Variants in ANKRD30B observed in about 807,000 individuals in gnomAD.
ANKRD30B encodes the protein ankyrin repeat domain-containing protein 30B.
In ANKRD30B, 144 loss-of-function variants were observed where a neutral mutation model predicts 202.2. That is an observed-to-expected ratio of 0.71 (90% CI 0.62 to 0.82). The LOEUF (loss-of-function observed/expected upper bound fraction) is 0.82. Ranked by LOEUF, ANKRD30B falls within the 40% of genes least tolerant of loss-of-function variation. ANKRD30B has a pLI of 0.00. For missense variants in ANKRD30B, 1,487 were observed against 1,669.1 expected (o/e 0.89, Z 1.90); for synonymous variants, 508 against 561.3 (o/e 0.91, Z 1.34).
the ANKRD30B span, among the ~76,000 whole-genome samples, chr18:14,860,096 A>G: frequency 7.1e-4 from 79 of 111,672 alleles, no homozygotes; most frequent in Non-Finnish European, 1.1e-3. Flanking sequence ...GCCAGGCAGA[A>G]GCACTCCTCA....
At chr18:14,749,884 TTA>T (rs1474347476) in intron 1 of ANKRD30B, among the ~76,000 whole-genome samples, 2 of 151,932 alleles carry the variant, frequency 1.3e-5, no homozygotes, top group Non-Finnish European at 2.9e-5. Flanking sequence ...AGGAAAAGAA[TTA>T]GTTTCATAAG....
the ANKRD30B span, among the ~76,000 whole-genome samples, chr18:14,927,292 C>G: frequency 6.6e-6 from 1 of 151,978 alleles, no homozygotes; most frequent in Non-Finnish European, 1.5e-5. Flanking sequence ...TTTTAAACTC[C>G]GAACTCAGGG....
rs548914412 is a variant in ANKRD30B at position 14,852,061 on chromosome 18, C to T, written c.4117C>T (p.Leu1373=). 20 of 1,608,842 alleles carry T rather than the reference C, an allele frequency of 1.2e-5. No homozygotes were observed. In the African/African-American group the frequency reaches 2.7e-4, roughly 22 times the overall value. ...TAATCTCAATTATGCAGGAGATGATCTAAGAGAAAATGCATTGGTTTCAGA... is the reference window on the plus strand; with the variant it reads ...TAATCTCAATTATGCAGGAGATGATTTAAGAGAAAATGCATTGGTTTCAGA... ...KINLNYAGDD[L]RENALVSEHA... Residue 1373 remains leucine, a synonymous_variant, in exon 42 of 44, where the codon CTA becomes TTA. Coordinates refer to ENST00000690538, the MANE Select transcript of ANKRD30B (RefSeq NM_001367607.2).
chr18:14,810,629 AGTGTGT>A (rs376271746), intron 28 of ANKRD30B, among the ~76,000 whole-genome samples: 1 of 149,654 alleles, frequency 6.7e-6, no homozygotes, highest in Admixed American at 6.6e-5. Flanking sequence ...TAGGTGACTG[AGTGTGT>A]GTGTGTGTGT....
intron 5 of ANKRD30B, among the ~76,000 whole-genome samples, chr18:14,758,196 A>C (rs1914679411): frequency 1.3e-5 from 2 of 152,236 alleles, no homozygotes; most frequent in East Asian, 1.9e-4. Flanking sequence ...CAGTGTCACA[A>C]TTTTGATTTT....
At chr18:14,905,506 TAA>T in the ANKRD30B span, 1 of 152,346 alleles carries the variant, frequency 6.6e-6, no homozygotes, top group South Asian at 2.1e-4. Flanking sequence ...ATGCTTGAGT[TAA>T]GAAAAGGAAG....
chr18:14,844,769 C>T lies in ANKRD30B; in HGVS notation c.3181+1673C>T, dbSNP rs867196290. ...TGTTGTTTCCTGACTTTTTAATGAT[C>T]GCCATTCTAACTGGTGTGAGATGGT... is the stretch of plus-strand genomic sequence containing the variant. On this transcript the variant is annotated intron_variant, in intron 39 of 43. Coordinates refer to ENST00000690538, the MANE Select transcript of ANKRD30B (RefSeq NM_001367607.2). Among the ~76,000 whole-genome samples, 1,090 of 151,124 alleles carry T rather than the reference C, an allele frequency of 7.2e-3. 12 individuals are homozygous for T. Among genetic ancestry groups the T allele is most frequent in the Middle Eastern group, 0.014 (4 of 294 alleles).
At chr18:14,820,497 G>A (rs1262279946) in intron 30 of ANKRD30B, among the ~76,000 whole-genome samples, 1 of 152,092 alleles carries the variant, frequency 6.6e-6, no homozygotes, top group Non-Finnish European at 1.5e-5. Flanking sequence ...TTGGCTGTGG[G>A]TTTGTCATAG....
intron 7 of ANKRD30B, among the ~76,000 whole-genome samples, chr18:14,768,073 A>C (rs1916530824): frequency 6.6e-6 from 1 of 152,198 alleles, no homozygotes; most frequent in Admixed American, 6.5e-5. Flanking sequence ...AGAAAGAAGA[A>C]GACATGATGT....
rs574671846 is a variant in ANKRD30B at position 14,824,060 on chromosome 18, T to G, written c.2743+1383T>G. Among the ~76,000 whole-genome samples, 211 of 152,110 alleles carry G rather than the reference T, an allele frequency of 1.4e-3. 8 individuals are homozygous for G. The highest frequency in any genetic ancestry group is 4.6e-4 in the Non-Finnish European group (31 of 68,038). On this transcript the variant is annotated intron_variant, in intron 32 of 43. Transcript: ENST00000690538. Reference sequence around the variant, plus strand: ...TATGTCTAGAATTTGTTTTCATGTCTTAAATTTTCAATAAATAGTTGTACA... The same window carrying G: ...TATGTCTAGAATTTGTTTTCATGTCGTAAATTTTCAATAAATAGTTGTACA...
intron 37 of ANKRD30B, among the ~76,000 whole-genome samples, chr18:14,841,264 GTT>G (rs1373779631): frequency 6.6e-6 from 1 of 152,158 alleles, no homozygotes; most frequent in Non-Finnish European, 1.5e-5. Context: ...TAGACGAGAA[GTT>G]TTCACACTTT....
chr18:14,800,028 G>A (rs1182444808), intron 22 of ANKRD30B, among the ~76,000 whole-genome samples: 8 of 151,730 alleles, frequency 5.3e-5, no homozygotes, highest in Non-Finnish European at 7.4e-5. Context: ...GTCAGGAGTC[G>A]CAGACGAGCC....
At position 14,799,092 on chromosome 18, in the gene ANKRD30B, T is replaced by A. The variant is rs769188012; in HGVS notation, c.2030-9T>A. On this transcript the variant is annotated splice_polypyrimidine_tract_variant and intron_variant, in intron 20 of 43. Coordinates refer to ENST00000690538, the MANE Select transcript of ANKRD30B (RefSeq NM_001367607.2). ...ATATAATCAATTATATATGTCCCTT[T>A]TCTTTTAGAGTCTCCTGATAATGAT... The A allele has an allele frequency of 3.8e-6, 6 of 1,570,290 alleles. No homozygotes were observed. In the Admixed American group the frequency reaches 8.4e-5, roughly 22 times the overall value.
At chr18:14,893,784 A>C in the ANKRD30B span, among the ~76,000 whole-genome samples, 1 of 151,162 alleles carries the variant, frequency 6.6e-6, no homozygotes, top group African/African-American at 2.4e-5. Flanking sequence ...TGCCTCACAT[A>C]AAACAAATAG....
the ANKRD30B span, among the ~76,000 whole-genome samples, chr18:14,931,923 T>TCCCTCCTCCCTCCG: frequency 4.5e-5 from 5 of 112,022 alleles, no homozygotes; most frequent in East Asian, 3.2e-4. Flanking sequence ...ACCTCCCTCC[T>TCCCTCCTCCCTCCG]GCTCTGTCCC....
At chr18:14,919,078 G>A in the ANKRD30B span, among the ~76,000 whole-genome samples, 25 of 152,210 alleles carry the variant, frequency 1.6e-4, no homozygotes, top group African/African-American at 5.8e-4. Context: ...GAAATTACTC[G>A]GTTCCAGGTA....
At chr18:14,765,195 T>C (rs922774158) in intron 7 of ANKRD30B, among the ~76,000 whole-genome samples, 3 of 152,114 alleles carry the variant, frequency 2.0e-5, no homozygotes, top group African/African-American at 7.2e-5. Flanking sequence ...GTGTGGTGGC[T>C]CACGCCTATA....
At chr18:14,927,953 C>T in the ANKRD30B span, among the ~76,000 whole-genome samples, 1 of 152,176 alleles carries the variant, frequency 6.6e-6, no homozygotes, top group East Asian at 1.9e-4. Flanking sequence ...CTGGGTGAAA[C>T]AAGACCGTGT....
chr18:14,856,233 T>G (rs1972104008), downstream of ANKRD30B, among the ~76,000 whole-genome samples: 2 of 125,150 alleles, frequency 1.6e-5, no homozygotes, highest in Non-Finnish European at 1.7e-5. Flanking sequence ...CCCAGATGAT[T>G]GGCAGCCAGA....
Sources: allele counts gnomAD v4.1 joint callset (sites outside exome capture counted in the v4.1 genomes callset), GRCh38; gene constraint gnomAD v4.1.1; transcripts MANE v1.5; gene names NCBI Gene and HGNC (gene_info 2026-07-23, HGNC 2026-07-21).